Variants in MAP3K5 observed in about 807,000 individuals in gnomAD.
MAP3K5 encodes the protein mitogen-activated protein kinase kinase kinase 5.
In MAP3K5, 56 loss-of-function variants were observed where a neutral mutation model predicts 158.7. The observed-to-expected ratio is 0.35, with a 90% confidence interval of 0.28 to 0.44. The LOEUF (loss-of-function observed/expected upper bound fraction) is 0.44. MAP3K5 is among the 20% of genes least tolerant of loss of function. The probability of loss-of-function intolerance (pLI) is 1.00; values close to 1 mark genes in which losing one functional copy is unlikely to be tolerated. For synonymous variants in MAP3K5, 579 were observed against 601.7 expected (o/e 0.96, Z 0.55); for missense variants, 1,294 against 1,674.8 (o/e 0.77, Z 3.97).
chr6:136,771,065 C>G (rs915423366), intron 1 of MAP3K5, among the ~76,000 whole-genome samples: 1 of 152,080 alleles, frequency 6.6e-6, no homozygotes, highest in Non-Finnish European at 1.5e-5. Context: ...TATGAAAGTA[C>G]GTTTGAGGCT....
At chr6:136,658,243 T>C (rs1195343012) in intron 9 of MAP3K5, among the ~76,000 whole-genome samples, 1 of 152,012 alleles carries the variant, frequency 6.6e-6, no homozygotes, top group African/African-American at 2.4e-5. Context: ...TCTTTATAGC[T>C]AATGGTTAAT....
At chr6:136,639,023 G>C (rs112783453) in intron 13 of MAP3K5, among the ~76,000 whole-genome samples, 11 of 152,216 alleles carry the variant, frequency 7.2e-5, no homozygotes, top group African/African-American at 2.4e-4. Flanking sequence ...TGGATTTTTG[G>C]ATGATCTCTT....
At chr6:136,680,110 C>T (rs1055387183) in intron 7 of MAP3K5, among the ~76,000 whole-genome samples, 1 of 151,826 alleles carries the variant, frequency 6.6e-6, no homozygotes, top group Non-Finnish European at 1.5e-5. Flanking sequence ...ACATGAGGTA[C>T]CTAGAGTAGT....
chr6:136,746,691 C>A (rs1293256508), intron 1 of MAP3K5, among the ~76,000 whole-genome samples: 1 of 152,090 alleles, frequency 6.6e-6, no homozygotes, highest in Non-Finnish European at 1.5e-5. Flanking sequence ...AATATTCTTT[C>A]CTTTTTGCAA....
intron 25 of MAP3K5, among the ~76,000 whole-genome samples, chr6:136,576,997 G>A (rs1774650706): frequency 6.6e-6 from 1 of 151,912 alleles, no homozygotes; most frequent in Admixed American, 6.6e-5. Flanking sequence ...GTTTGTGTAA[G>A]TCCACTCTAG....
chr6:136,710,773 C>A (rs977779974), intron 2 of MAP3K5, among the ~76,000 whole-genome samples: 30 of 152,136 alleles, frequency 2.0e-4, no homozygotes, highest in East Asian at 1.9e-4. Context: ...GCTTGGAGTT[C>A]TTGCCCAGGG....
intron 25 of MAP3K5, among the ~76,000 whole-genome samples, chr6:136,572,329 G>A (rs1184028057): frequency 6.6e-6 from 1 of 152,152 alleles, no homozygotes; most frequent in Non-Finnish European, 1.5e-5. Context: ...CACGATCTTG[G>A]CTCACTGCAA....
rs1776233949 is a variant in MAP3K5, at chr6:136,609,350, T to G, written c.2521+1932A>C. 6.6e-6 allele frequency among the ~76,000 whole-genome samples: 1 copy of G among 152,136 alleles called. No individual in the cohort carries two copies. Among genetic ancestry groups the G allele is most frequent in the Non-Finnish European group, 1.5e-5 (1 of 68,032 alleles). ...CTGTACCCTAAAATATCCATTGCCCTGAGGTGGGAGCTGGGCCAGGGGTAT... is the reference window on the plus strand; with the variant it reads ...CTGTACCCTAAAATATCCATTGCCCGGAGGTGGGAGCTGGGCCAGGGGTAT... On this transcript the variant is annotated intron_variant, in intron 18 of 29. Coordinates refer to ENST00000359015, the MANE Select transcript of MAP3K5 (RefSeq NM_005923.4). This position sits in a 1 kb window ranked among gnomAD's most constrained non-coding sequence, Gnocchi z 4.4.
At chr6:136,663,970 G>A (rs191282916) in intron 8 of MAP3K5, among the ~76,000 whole-genome samples, 40 of 151,960 alleles carry the variant, frequency 2.6e-4, no homozygotes, top group Non-Finnish European at 4.4e-4. Flanking sequence ...CTGACTTTTC[G>A]AAAAGACAAG....
At chr6:136,639,398 T>A (rs1777811877) in intron 13 of MAP3K5, 145 bp downstream of exon 13, 1 of 466,146 alleles carries the variant, frequency 2.1e-6, no homozygotes, top group African/African-American at 2.1e-5. Context: ...AAATTTATGA[T>A]ATAATTATAA....
chr6:136,791,830 T>C lies in MAP3K5; in HGVS notation c.328A>G (p.Ser110Gly), dbSNP rs1315962230. Residue 110 changes from serine (S) to glycine (G), a missense_variant, in exon 1 of 30, where the codon AGC becomes GGC. This residue lies in a region of MAP3K5 where 690 missense variants were observed against 870.5 expected (regional missense o/e 0.79). Coordinates refer to ENST00000359015, the MANE Select transcript of MAP3K5 (RefSeq NM_005923.4). The stretch of plus-strand genomic sequence containing the variant: ...TCCCGCAAGCTCTGCAGGGCCTCGC[T>C]CTCGGCCACCACCAGTTGCCCTTGG... ...ASQGQLVVAE[S>G]EALQSLREAC... The C allele has an allele frequency of 3.7e-6, 6 of 1,613,686 alleles. No individual in the cohort carries two copies. In the African/African-American group the frequency reaches 6.7e-5, roughly 18 times the overall value.
intron 7 of MAP3K5, among the ~76,000 whole-genome samples, chr6:136,672,816 C>T (rs1779539770): frequency 6.6e-6 from 1 of 151,768 alleles, no homozygotes; most frequent in South Asian, 2.1e-4. Context: ...ATGGTGAAAT[C>T]CTATTTCTAC....
chr6:136,632,387 C>G (rs1273360212), intron 14 of MAP3K5, among the ~76,000 whole-genome samples: 1 of 152,056 alleles, frequency 6.6e-6, no homozygotes, highest in African/African-American at 2.4e-5. Flanking sequence ...CATGGTGGTG[C>G]ATGCCTGTAG....
chr6:136,757,579 A>ATTTTTTTTTTTTTT (rs776508913), intron 1 of MAP3K5, among the ~76,000 whole-genome samples: 7 of 111,968 alleles, frequency 6.3e-5, no homozygotes, highest in East Asian at 3.0e-4. Context: ...TTATTTATTT[A>ATTTTTTTTTTTTTT]TTTTTTATTT....
At chr6:136,791,382 G>A (rs1418714993) in intron 1 of MAP3K5, among the ~76,000 whole-genome samples, 2 of 152,106 alleles carry the variant, frequency 1.3e-5, no homozygotes, top group Admixed American at 6.5e-5. Context: ...AAGCGAAACC[G>A]AGACACTGAA....
rs116906562 is a variant in MAP3K5, at chr6:136,601,410, T to G, written c.2858-368A>C. 1.3e-4 allele frequency among the ~76,000 whole-genome samples: 20 copies of G among 152,286 alleles called. No homozygotes were observed. In the East Asian group the frequency reaches 3.7e-3, roughly 28 times the overall value. ...TTTCTACTGCCTTAAAAGAACCTAT[T>G]ACCTACAGGGCTTGGAAATCCAACA... On this transcript the variant is annotated intron_variant, in intron 20 of 29. Transcript: ENST00000359015.
At chr6:136,591,508 A>T (rs1475800434) in intron 23 of MAP3K5, among the ~76,000 whole-genome samples, 1 of 152,258 alleles carries the variant, frequency 6.6e-6, no homozygotes, top group Non-Finnish European at 1.5e-5. Context: ...GTAGAATATT[A>T]GAAGTGTTTT....
chr6:136,559,493 C>G (rs1208533312), intron 28 of MAP3K5, among the ~76,000 whole-genome samples: 1 of 152,240 alleles, frequency 6.6e-6, no homozygotes, highest in Non-Finnish European at 1.5e-5. Context: ...TGTAATCACT[C>G]TGCTGTTCAA....
In MAP3K5 at chr6:136,728,910, C is replaced by A. The variant is rs1271171263; in HGVS notation, c.449-8321G>T. ...AAAGAGTTGAGAGCCACTACACTTA[C>A]AAAAGGAAAGGGAAGAGAGGAAAAG... On this transcript the variant is annotated intron_variant, in intron 1 of 29. Coordinates refer to ENST00000359015, the MANE Select transcript of MAP3K5 (RefSeq NM_005923.4). 3.3e-5 allele frequency among the ~76,000 whole-genome samples: 5 copies of A among 151,180 alleles called. No homozygotes were observed. In the East Asian group the frequency reaches 9.7e-4, roughly 29 times the overall value.
Sources: gnomAD v4.1 joint callset for allele counts (sites outside exome capture counted in the v4.1 genomes callset) on GRCh38, gnomAD v4.1.1 for gene constraint, gnomAD v4.1.1 regional missense constraint, Gnocchi (gnomAD v3.1) non-coding constraint, MANE v1.5 for transcripts, NCBI Gene and HGNC (gene_info 2026-07-23, HGNC 2026-07-21) for gene names.